AUTS2: variants seen among roughly 807,000 people sequenced by gnomAD.
AUTS2 encodes the protein autism susceptibility gene 2 protein.
A neutral mutation model predicts 112.4 loss-of-function variants in AUTS2; 17 were observed. The observed-to-expected ratio is 0.15, with a 90% CI of 0.10 to 0.23. The LOEUF is 0.23. Among genes scored for constraint, AUTS2 ranks in the 10% least tolerant of loss-of-function variants. AUTS2 has a pLI of 1.00. For missense variants in AUTS2, 1,510 were observed against 1,701.6 expected, an observed-to-expected ratio of 0.89 and a Z score of 1.98; for synonymous variants, 751 against 702.7, an observed-to-expected ratio of 1.07 and a Z score of -1.09.
intron 2 of AUTS2, among the ~76,000 whole-genome samples, chr7:69,948,610 A>G (rs1281544987): frequency 6.6e-6 from 1 of 152,164 alleles, no homozygotes; most frequent in African/African-American, 2.4e-5. Context: ...ATGAATGGCT[A>G]GACTTTTCAT....
chr7:69,647,793 G>T (rs922148314), intron 1 of AUTS2, among the ~76,000 whole-genome samples: 6 of 152,186 alleles, frequency 3.9e-5, no homozygotes, highest in Non-Finnish European at 5.9e-5. Flanking sequence ...TTAAGGTGTT[G>T]GCAGGACCAT....
At chr7:70,366,069 T>C (rs1191576428) in intron 4 of AUTS2, among the ~76,000 whole-genome samples, 1 of 152,322 alleles carries the variant, frequency 6.6e-6, no homozygotes, top group East Asian at 1.9e-4. Flanking sequence ...TATGTTTCAG[T>C]AAAATGGTTT....
intron 1 of AUTS2, among the ~76,000 whole-genome samples, chr7:69,602,809 G>A (rs1202733011): frequency 6.6e-6 from 1 of 152,208 alleles, no homozygotes; most frequent in Non-Finnish European, 1.5e-5. Flanking sequence ...CATCATATAT[G>A]TCTGGTTCTT....
intron 4 of AUTS2, among the ~76,000 whole-genome samples, chr7:70,245,144 G>GTGTATATA (rs1233136341): frequency 4.6e-5 from 5 of 108,968 alleles, no homozygotes; most frequent in African/African-American, 1.7e-4. Context: ...GTGTGTGTGT[G>GTGTATATA]TATATATATA....
chr7:70,362,270 A>G (rs2129627116), intron 4 of AUTS2, among the ~76,000 whole-genome samples: 1 of 152,266 alleles, frequency 6.6e-6, no homozygotes, highest in African/African-American at 2.4e-5. Context: ...GTTAGTTCCC[A>G]AGTATTAAAT....
chr7:70,427,618 A>C (rs1043648135), intron 4 of AUTS2, among the ~76,000 whole-genome samples: 1 of 152,232 alleles, frequency 6.6e-6, no homozygotes, highest in Non-Finnish European at 1.5e-5. Flanking sequence ...TTAATTTATG[A>C]GCTTTAAAAC....
chr7:70,493,391 G>A (rs994945480), intron 5 of AUTS2, among the ~76,000 whole-genome samples: 1 of 152,236 alleles, frequency 6.6e-6, no homozygotes, highest in East Asian at 1.9e-4. Context: ...GGATGGCTAA[G>A]TGAGTGCATG....
At chr7:69,753,500 T>C (rs1787826377) in intron 1 of AUTS2, among the ~76,000 whole-genome samples, 1 of 152,188 alleles carries the variant, frequency 6.6e-6, no homozygotes, top group Admixed American at 6.5e-5. Flanking sequence ...TGGTAGATCA[T>C]GGAGAACTAG....
chr7:70,138,568 C>T (rs923132468), intron 4 of AUTS2, among the ~76,000 whole-genome samples: 6 of 152,210 alleles, frequency 3.9e-5, no homozygotes, highest in Non-Finnish European at 5.9e-5. Flanking sequence ...TTGTATCCTG[C>T]TTTTGTAAAC....
At chr7:69,998,500 G>A (rs905547763) in intron 2 of AUTS2, among the ~76,000 whole-genome samples, 1 of 152,168 alleles carries the variant, frequency 6.6e-6, no homozygotes, top group South Asian at 2.1e-4. Context: ...TTGCTTAAAG[G>A]TGCCTGGTTC....
chr7:70,224,903 G>A (rs1430390620), intron 4 of AUTS2, among the ~76,000 whole-genome samples: 1 of 152,188 alleles, frequency 6.6e-6, no homozygotes, highest in Non-Finnish European at 1.5e-5. Context: ...GGAGCAATAG[G>A]TTATGCTATG....
chr7:69,914,356 GACACACACACACACACAC>G (rs66527808), intron 2 of AUTS2, among the ~76,000 whole-genome samples: 7 of 136,004 alleles, frequency 5.1e-5, no homozygotes, highest in Non-Finnish European at 7.9e-5. Flanking sequence ...CACACACACA[GACACACACACACACACAC>G]ACACACACAC....
chr7:70,499,911 G>C (rs1254110653), intron 5 of AUTS2, among the ~76,000 whole-genome samples: 4 of 152,156 alleles, frequency 2.6e-5, no homozygotes. Flanking sequence ...AGTCAGACTT[G>C]TTGAGGAAGA....
At chr7:70,759,171 A>T (rs983405720) in intron 6 of AUTS2, among the ~76,000 whole-genome samples, 6 of 152,220 alleles carry the variant, frequency 3.9e-5, no homozygotes, top group African/African-American at 1.4e-4. Flanking sequence ...TTGCTTTGAG[A>T]CTTCTGCTTT....
intron 4 of AUTS2, among the ~76,000 whole-genome samples, chr7:70,179,477 G>A (rs1809183689): frequency 6.6e-6 from 1 of 152,140 alleles, no homozygotes; most frequent in Admixed American, 6.5e-5. Context: ...CTGCTAACTT[G>A]GCAGACTGGA....
chr7:70,560,815 C>T (rs985308261), intron 5 of AUTS2, among the ~76,000 whole-genome samples: 1 of 152,154 alleles, frequency 6.6e-6, no homozygotes, highest in Non-Finnish European at 1.5e-5. Context: ...ACTGAAACAA[C>T]GTGTAATAAT....
chr7:70,087,993 GCTGTTGTAAC>G (rs1386923377), intron 2 of AUTS2, among the ~76,000 whole-genome samples: 2 of 148,250 alleles, frequency 1.3e-5, no homozygotes, highest in African/African-American at 4.9e-5. Context: ...GAAAATCTGT[GCTGTTGTAAC>G]CTTTCTTATT....
At chr7:70,728,056 G>A (rs1044084677) in intron 6 of AUTS2, among the ~76,000 whole-genome samples, 1 of 152,126 alleles carries the variant, frequency 6.6e-6, no homozygotes, top group African/African-American at 2.4e-5. Flanking sequence ...GACCTGCTTT[G>A]GGGAAAGAAG....
At chr7:70,387,931 T>C (rs1196723222) in intron 4 of AUTS2, among the ~76,000 whole-genome samples, 1 of 152,162 alleles carries the variant, frequency 6.6e-6, no homozygotes, top group African/African-American at 2.4e-5. Flanking sequence ...TCTTTCAAAT[T>C]CTTCTAAGCC....
Sources: gnomAD v4.1 joint callset for allele counts (sites outside exome capture counted in the v4.1 genomes callset) on GRCh38, gnomAD v4.1.1 for gene constraint, MANE v1.5 for transcripts, NCBI Gene and HGNC (gene_info 2026-07-23, HGNC 2026-07-21) for gene names.